MINDY4: variants seen among roughly 807,000 people sequenced by gnomAD.
MINDY4 encodes probable ubiquitin carboxyl-terminal hydrolase MINDY-4.
In MINDY4, 68 loss-of-function variants were observed where a neutral mutation model predicts 87.0. The observed-to-expected ratio is 0.78, with a 90% CI of 0.64 to 0.96. The LOEUF is 0.96. Among genes scored for constraint, MINDY4 ranks in the 40% least tolerant of loss-of-function variants. MINDY4 has a pLI of 0.00. For missense variants in MINDY4, 919 were observed against 928.2 expected, an observed-to-expected ratio of 0.99 and a Z score of 0.13; for synonymous variants, 379 against 363.2, an observed-to-expected ratio of 1.04 and a Z score of -0.50.
rs372832993 is a variant in MINDY4, at chr7:30,884,513, G to A, written c.2225+1520G>A. On this transcript the variant is annotated intron_variant, in intron 17 of 17. Coordinates refer to ENST00000265299, the MANE Select transcript of MINDY4 (RefSeq NM_032222.3). ...AGCCTTGGCATCTGTACAGGACAGC[G>A]TGGGAGGCCACAGGGCATCCTTCCT... is the stretch of plus-strand genomic sequence containing the variant. 2.0e-5 allele frequency among the ~76,000 whole-genome samples: 3 copies of A among 152,346 alleles called. 1 individual carries two copies. Among genetic ancestry groups the A allele is most frequent in the African/African-American group, 4.8e-5 (2 of 41,592 alleles).
At chr7:30,847,074 T>C (rs968540270) in intron 9 of MINDY4, among the ~76,000 whole-genome samples, 1 of 152,184 alleles carries the variant, frequency 6.6e-6, no homozygotes, top group Non-Finnish European at 1.5e-5. Context: ...TGGGGGCATC[T>C]GACCCAGTGT....
chr7:30,805,155 C>T (rs959802010), intron 5 of MINDY4, among the ~76,000 whole-genome samples: 27 of 152,144 alleles, frequency 1.8e-4, no homozygotes, highest in African/African-American at 6.5e-4. Flanking sequence ...GCAGCAGGGC[C>T]CCTGCCGGGA....
At chr7:30,870,085 C>T (rs923092616) in intron 13 of MINDY4, among the ~76,000 whole-genome samples, 1 of 152,214 alleles carries the variant, frequency 6.6e-6, no homozygotes, top group Non-Finnish European at 1.5e-5. Context: ...GCAGATGTTC[C>T]TCCCTTTTAA....
intron 6 of MINDY4, among the ~76,000 whole-genome samples, chr7:30,833,725 G>C (rs781326159): frequency 7.2e-5 from 11 of 152,230 alleles, no homozygotes; most frequent in African/African-American, 1.2e-4. Context: ...AAAATCAAAA[G>C]CAAGTTAGTT....
At position 30,785,830 on chromosome 7, in the gene MINDY4, G is replaced by A. The variant is rs781166574; in HGVS notation, c.501G>A (p.Thr167=). The change falls in exon 4 of 18, where the codon ACG becomes ACA. Residue 167 remains threonine (T), a synonymous_variant. Coordinates refer to ENST00000265299, the MANE Select transcript of MINDY4 (RefSeq NM_032222.3). ...RPPHKSKPMQ[T]VPGETPVLTS... is the part of the protein sequence containing the mutation. ...CGCACAAAAGTAAGCCCATGCAGAC[G>A]GTCCCGGGTGAAACTCCTGTGTTGA... The A allele has an allele frequency of 1.9e-5, 31 of 1,614,078 alleles. No homozygotes were observed. Among genetic ancestry groups the A allele is most frequent in the South Asian group, 7.7e-5 (7 of 91,080 alleles).
At chr7:30,839,109 C>G in intron 7 of MINDY4, 91 bp from the exon 8 acceptor site, 2 of 790,198 alleles carry the variant, frequency 2.5e-6, no homozygotes, top group Non-Finnish European at 2.0e-6. Context: ...TGCTAGAATT[C>G]AAGAACAACT....
chr7:30,793,147 A>ATTGTTTATTTT (rs11273499), intron 5 of MINDY4, among the ~76,000 whole-genome samples: 4 of 62,768 alleles, frequency 6.4e-5, no homozygotes, highest in African/African-American at 5.9e-4. Flanking sequence ...TATTATATAT[A>ATTGTTTATTTT]TTGTTTATTT....
chr7:30,827,229 T>C (rs1267445257), intron 5 of MINDY4, among the ~76,000 whole-genome samples: 3 of 152,170 alleles, frequency 2.0e-5, no homozygotes, highest in African/African-American at 7.2e-5. Flanking sequence ...AGAGGCTTAG[T>C]ACCAATGCCT....
chr7:30,888,886 T>G (rs1164751844), intron 17 of MINDY4, among the ~76,000 whole-genome samples: 1 of 152,212 alleles, frequency 6.6e-6, no homozygotes. Context: ...ACTCAGCCAC[T>G]GTGGTGACAC....
intron 15 of MINDY4, among the ~76,000 whole-genome samples, chr7:30,878,845 A>T (rs1010378248): frequency 6.6e-6 from 1 of 152,154 alleles, no homozygotes; most frequent in Non-Finnish European, 1.5e-5. Context: ...CGTCCTCTCC[A>T]TCAGGAGGAC....
At chr7:30,884,510 A>G (rs1790571363) in intron 17 of MINDY4, among the ~76,000 whole-genome samples, 1 of 152,232 alleles carries the variant, frequency 6.6e-6, no homozygotes, top group African/African-American at 2.4e-5. Flanking sequence ...TGTACAGGAC[A>G]GCGTGGGAGG....
chr7:30,784,864 T>G (rs1195174629), intron 3 of MINDY4, among the ~76,000 whole-genome samples: 1 of 152,124 alleles, frequency 6.6e-6, no homozygotes, highest in Non-Finnish European at 1.5e-5. Flanking sequence ...TGTGACCCAG[T>G]GCCTGGTAAG....
In MINDY4 at chr7:30,872,307, G is replaced by A. The variant is rs778987557; in HGVS notation, c.1809+1G>A. On this transcript the variant is annotated splice_donor_variant, in intron 14 of 17. Coordinates refer to ENST00000265299, the MANE Select transcript of MINDY4 (RefSeq NM_032222.3). LOFTEE classifies it high-confidence loss of function. ...TGGAGCACATGGCTACTGTACACAG[G>A]TCAGGGGGCGCTGTGGGGCCCAGGT... is the stretch of plus-strand genomic sequence containing the variant. 6.2e-7 allele frequency: 1 copy of A among 1,613,986 alleles called. No homozygotes were observed. The highest frequency in any genetic ancestry group is 8.5e-7 in the Non-Finnish European group (1 of 1,179,944).
chr7:30,821,876 G>A (rs942716611), intron 5 of MINDY4, among the ~76,000 whole-genome samples: 13 of 152,150 alleles, frequency 8.5e-5, no homozygotes, highest in African/African-American at 3.1e-4. Context: ...TTTTAAGGAA[G>A]TTCAAACCTG....
intron 13 of MINDY4, among the ~76,000 whole-genome samples, chr7:30,862,530 C>T (rs1019751712): frequency 6.6e-6 from 1 of 152,328 alleles, no homozygotes; most frequent in Admixed American, 6.5e-5. Flanking sequence ...TGAAGGTTTG[C>T]GGTGATTCGC....
At chr7:30,781,074 T>C (rs1786996544) in intron 2 of MINDY4, 1 of 152,280 alleles carries the variant, frequency 6.6e-6, no homozygotes, top group Admixed American at 6.5e-5. Flanking sequence ...TGGCATGCCC[T>C]GAGGGCCTGC....
At chr7:30,824,254 G>T (rs991467805) in intron 5 of MINDY4, among the ~76,000 whole-genome samples, 9 of 152,176 alleles carry the variant, frequency 5.9e-5, no homozygotes, top group Middle Eastern at 3.2e-3. Context: ...TGGGGAGGCT[G>T]AGTGTGCTAA....
intron 1 of MINDY4, among the ~76,000 whole-genome samples, chr7:30,774,437 TC>T (rs1444461041): frequency 6.6e-6 from 1 of 152,188 alleles, no homozygotes; most frequent in Non-Finnish European, 1.5e-5. Context: ...ACTAGGTTAC[TC>T]CTATCAGCAC....
intron 3 of MINDY4, among the ~76,000 whole-genome samples, chr7:30,783,664 T>C (rs535097266): frequency 6.6e-6 from 1 of 152,342 alleles, no homozygotes; most frequent in Admixed American, 6.5e-5. Context: ...GCTTTGTGTT[T>C]TCAAAATCTC....
Sources: gnomAD v4.1 joint callset for allele counts (sites outside exome capture counted in the v4.1 genomes callset) on GRCh38, gnomAD v4.1.1 for gene constraint, MANE v1.5 for transcripts, NCBI Gene and HGNC (gene_info 2026-07-23, HGNC 2026-07-21) for gene names.